Variants in KCNV1 observed in about 807,000 individuals in gnomAD.
KCNV1 encodes potassium voltage-gated channel modifier subfamily V member 1.
KCNV1 carries 2 observed loss-of-function variants against 36.4 expected under a neutral mutation model. That is an observed-to-expected ratio of 0.05 (90% CI 0.02 to 0.17). KCNV1 has a LOEUF of 0.17. KCNV1 is among the 10% of genes least tolerant of loss of function. The pLI is 1.00. For synonymous variants in KCNV1, 280 were observed against 261.1 expected, an observed-to-expected ratio of 1.07 and a Z score of -0.70; for missense variants, 321 against 643.6, an observed-to-expected ratio of 0.50 and a Z score of 5.42.
At chr8:109,970,989 T>C (rs1177760370) in intron 3 of KCNV1, among the ~76,000 whole-genome samples, 8 of 152,196 alleles carry the variant, frequency 5.3e-5, no homozygotes, top group Admixed American at 4.6e-4. Flanking sequence ...AATTATATTA[T>C]AATAAGTTCT....
rs1171035983 is a variant in KCNV1 at position 109,964,598 on chromosome 8, T to C, written c.*3490A>G. On this transcript the variant is annotated 3_prime_UTR_variant, in exon 4 of 4. Coordinates refer to ENST00000524391, the MANE Select transcript of KCNV1 (RefSeq NM_014379.4). ...AGCAAAGACATGGAATAAACCTAAA[T>C]GCCCATCAACTGTAGACTGGATAAA... The C allele has an allele frequency of 6.6e-6, 1 of 152,180 alleles. No homozygotes were observed. Among genetic ancestry groups the C allele is most frequent in the Non-Finnish European group, 1.5e-5 (1 of 68,042 alleles). 9.4% of individuals were successfully genotyped at this position (152,180 alleles called of 1,614,324 possible).
In KCNV1 at chr8:109,965,806, A is replaced by G. The variant is rs187451167; in HGVS notation, c.*2282T>C. 2.0e-5 allele frequency: 3 copies of G among 152,222 alleles called. No individual in the cohort carries two copies. The highest frequency in any genetic ancestry group is 6.5e-5 in the Admixed American group (1 of 15,280). 9.4% of individuals were successfully genotyped at this position (152,222 alleles called of 1,614,324 possible). A position where few individuals can be genotyped will look rare whatever the true frequency, so the allele number is the denominator to read the frequency against. ...AGAAGTTGGCTTGCCTGCCTAAAAA[A>G]TAAATTTCTATGCAGAGCTTGTGTA... On this transcript the variant is annotated 3_prime_UTR_variant, in exon 4 of 4. Coordinates refer to ENST00000524391, the MANE Select transcript of KCNV1 (RefSeq NM_014379.4).
In KCNV1 at chr8:109,964,537, A is replaced by T. The variant is rs1452029535; in HGVS notation, c.*3551T>A. ...ATAAATTGTTTTATTATAAAGATAC[A>T]TGCACACGTATGTTCAATGCAGCAT... On this transcript the variant is annotated 3_prime_UTR_variant, in exon 4 of 4. Coordinates refer to ENST00000524391, the MANE Select transcript of KCNV1 (RefSeq NM_014379.4). The T allele has an allele frequency of 6.6e-6, 1 of 152,230 alleles. No individual in the cohort carries two copies. Among genetic ancestry groups the T allele is most frequent in the Non-Finnish European group, 1.5e-5 (1 of 68,048 alleles). The allele number at this position is 152,230 out of a possible 1,614,324, so 9.4% of individuals were successfully genotyped here.
Position 109,972,046 on chromosome 8 carries a change from G to A in KCNV1, c.991+212C>T, listed in dbSNP as rs1405111145. 6.6e-6 allele frequency among the ~76,000 whole-genome samples: 1 copy of A among 152,202 alleles called. No individual in the cohort carries two copies. Among genetic ancestry groups the A allele is most frequent in the Admixed American group, 6.5e-5 (1 of 15,272 alleles). On this transcript the variant is annotated intron_variant, in intron 3 of 3. Coordinates refer to ENST00000524391, the MANE Select transcript of KCNV1 (RefSeq NM_014379.4). The surrounding 1 kb of genome is among the most constrained non-coding windows in gnomAD (Gnocchi z 5.2). ...ATTGTCTCTCAACATTTCTCTTATG[G>A]AGAGGAGGTATGTGAGAGCTCATTT...
chr8:109,973,447 G>A (rs1264202197), intron 2 of KCNV1, among the ~76,000 whole-genome samples: 1 of 152,170 alleles, frequency 6.6e-6, no homozygotes, highest in African/African-American at 2.4e-5. Context: ...AGAAATGGTA[G>A]TAATAGCAAG....
chr8:109,970,327 C>T (rs973201347), intron 3 of KCNV1, among the ~76,000 whole-genome samples: 1 of 152,136 alleles, frequency 6.6e-6, no homozygotes, highest in East Asian at 1.9e-4. Flanking sequence ...TGTCTGGGAA[C>T]ACTGTTTTAG....
Position 109,968,689 on chromosome 8 carries a change from C to T in KCNV1, c.992-90G>A, listed in dbSNP as rs1367387138. ...CCCTCTCCCTCCTTGCTCTGCCACC[C>T]ACAAACTGCACTGCACACTTAAATG... On this transcript the variant is annotated intron_variant, in intron 3 of 3. Transcript: ENST00000524391. The surrounding 1 kb of genome is among the most constrained non-coding windows in gnomAD (Gnocchi z 5.3). 1.6e-6 allele frequency: 2 copies of T among 1,275,918 alleles called. No individual in the cohort carries two copies. The highest frequency in any genetic ancestry group is 1.5e-5 in the African/African-American group (1 of 67,104). 79.0% of individuals were successfully genotyped at this position (1,275,918 alleles called of 1,614,324 possible). A position where few individuals can be genotyped will look rare whatever the true frequency, so the allele number is the denominator to read the frequency against.
At chr8:109,975,369 G>A (rs1820069172) in intron 1 of KCNV1, among the ~76,000 whole-genome samples, 177 bp from the exon 2 acceptor site, 1 of 152,168 alleles carries the variant, frequency 6.6e-6, no homozygotes, top group Admixed American at 6.5e-5. Context: ...TTCCCGGAGA[G>A]CAGGTGTTCT....
Position 109,967,903 on chromosome 8 carries a change from A to G in KCNV1, c.*185T>C. The G allele has an allele frequency of 1.7e-6, 1 of 595,438 alleles. No individual in the cohort carries two copies. The highest frequency in any genetic ancestry group is 2.9e-6 in the Non-Finnish European group (1 of 347,712). The allele number at this position is 595,438 out of a possible 1,614,324, so 36.9% of individuals were successfully genotyped here. On this transcript the variant is annotated 3_prime_UTR_variant, in exon 4 of 4. Coordinates refer to ENST00000524391, the MANE Select transcript of KCNV1 (RefSeq NM_014379.4). ...GCTATTTTGGACACTCAAATGTGTC[A>G]GAACACTGTGCAGTTGTTATAGGTG...
chr8:109,970,053 T>A (rs1001884527), intron 3 of KCNV1, among the ~76,000 whole-genome samples: 3 of 152,168 alleles, frequency 2.0e-5, no homozygotes, highest in African/African-American at 7.2e-5. Flanking sequence ...TTTTATTCAC[T>A]CACTAGAGAC....
At chr8:109,973,052 A>G (rs767280235) in intron 2 of KCNV1, among the ~76,000 whole-genome samples, 1 of 143,674 alleles carries the variant, frequency 7.0e-6, no homozygotes, top group Non-Finnish European at 1.5e-5. Flanking sequence ...ATCTCGGCTT[A>G]CTGTAGCCTC....
Position 109,968,201 on chromosome 8 carries a change from T to C in KCNV1, c.1390A>G (p.Ile464Val). The change falls in exon 4 of 4, where the codon ATC becomes GTC. Residue 464 changes from isoleucine (I) to valine (V), a missense_variant. Around this residue, in one of 5 missense-constraint regions of KCNV1, gnomAD observed 45 missense variants for 76.8 expected, o/e 0.59. Coordinates refer to ENST00000524391, the MANE Select transcript of KCNV1 (RefSeq NM_014379.4). The surrounding 1 kb of genome is among the most constrained non-coding windows in gnomAD (Gnocchi z 5.3). The part of the protein sequence containing the change: ...LTKNIATDSY[I>V]SVNLRDVYAR... ...TAGACATCTCTCAAGTTAACACTGA[T>C]ATATGAGTCAGTGGCTATATTCTTG... 1 of 1,614,088 alleles carries C rather than the reference T, an allele frequency of 6.2e-7. No individual in the cohort carries two copies. The highest frequency in any genetic ancestry group is 8.5e-7 in the Non-Finnish European group (1 of 1,179,940).
Position 109,972,924 on chromosome 8 carries a change from T to C in KCNV1, c.462-137A>G. 1 of 652,026 alleles carries C rather than the reference T, an allele frequency of 1.5e-6. No homozygotes were observed. The highest frequency in any genetic ancestry group is 2.0e-5 in the South Asian group (1 of 50,176). The allele number at this position is 652,026 out of a possible 1,614,324, so 40.4% of individuals were successfully genotyped here. On this transcript the variant is annotated intron_variant, in intron 2 of 3. Coordinates refer to ENST00000524391, the MANE Select transcript of KCNV1 (RefSeq NM_014379.4). This position sits in a 1 kb window ranked among gnomAD's most constrained non-coding sequence, Gnocchi z 5.2. ...AATGTCTATTCATATTTTACTTAGGTTGTGTCTTACCCACAGTATTCAGAA... is the reference window on the plus strand; with the variant it reads ...AATGTCTATTCATATTTTACTTAGGCTGTGTCTTACCCACAGTATTCAGAA...
chr8:109,969,585 G>A lies in KCNV1; in HGVS notation c.992-986C>T, dbSNP rs908372598. 2.0e-5 allele frequency among the ~76,000 whole-genome samples: 3 copies of A among 152,068 alleles called. No individual in the cohort carries two copies. The East Asian group carries it at 5.8e-4, about 29-fold the overall frequency. On this transcript the variant is annotated intron_variant, in intron 3 of 3. Coordinates refer to ENST00000524391, the MANE Select transcript of KCNV1 (RefSeq NM_014379.4). Reference sequence around the variant, plus strand: ...TTATGGGCCGGGCACGGTGGCTCACGCCTATAATCTCAGCACTTTGGGAGG... The same window carrying A: ...TTATGGGCCGGGCACGGTGGCTCACACCTATAATCTCAGCACTTTGGGAGG...
In KCNV1 at chr8:109,965,944, A is replaced by G. The variant is rs901520961; in HGVS notation, c.*2144T>C. 2.6e-5 allele frequency: 4 copies of G among 152,180 alleles called. No individual in the cohort carries two copies. Among genetic ancestry groups the G allele is most frequent in the Admixed American group, 2.0e-4 (3 of 15,280 alleles). The allele number at this position is 152,180 out of a possible 1,614,324, so 9.4% of individuals were successfully genotyped here. A position where few individuals can be genotyped will look rare whatever the true frequency, so the allele number is the denominator to read the frequency against. ...AGCCTGTGTGAATTTAGGCAAGTTT[A>G]TACCTTTTAATGTTTCAGTTTCGCT... On this transcript the variant is annotated 3_prime_UTR_variant, in exon 4 of 4. Coordinates refer to ENST00000524391, the MANE Select transcript of KCNV1 (RefSeq NM_014379.4).
At position 109,966,126 on chromosome 8, in the gene KCNV1, A is replaced by G. The variant is rs1414269669; in HGVS notation, c.*1962T>C. 1 of 152,178 alleles carries G rather than the reference A, an allele frequency of 6.6e-6. No homozygotes were observed. Among genetic ancestry groups the G allele is most frequent in the Non-Finnish European group, 1.5e-5 (1 of 68,024 alleles). The allele number at this position is 152,178 out of a possible 1,614,324, so 9.4% of individuals were successfully genotyped here. A position where few individuals can be genotyped will look rare whatever the true frequency, so the allele number is the denominator to read the frequency against. On this transcript the variant is annotated 3_prime_UTR_variant, in exon 4 of 4. Transcript: ENST00000524391. ...ATAAAATATGTATTTTGAAGAGTAT[A>G]AGAATAGTAATTATATAATAGGGAT... is the stretch of plus-strand genomic sequence containing the variant.
In KCNV1 at chr8:109,965,257, C is replaced by G. The variant is rs1819931628; in HGVS notation, c.*2831G>C. ...AAAGAAAGTAGTGTTCTCTAAATAG[C>G]TTAGAGAAAGACAATAATTCAATTA... is the stretch of plus-strand genomic sequence containing the variant. On this transcript the variant is annotated 3_prime_UTR_variant, in exon 4 of 4. Coordinates refer to ENST00000524391, the MANE Select transcript of KCNV1 (RefSeq NM_014379.4). 6.6e-6 allele frequency: 1 copy of G among 152,026 alleles called. No individual in the cohort carries two copies. Among genetic ancestry groups the G allele is most frequent in the Non-Finnish European group, 1.5e-5 (1 of 67,988 alleles). 9.4% of individuals were successfully genotyped at this position (152,026 alleles called of 1,614,324 possible).
In KCNV1 at chr8:109,966,271, ACT is replaced by A. The variant is rs1819942669; in HGVS notation, c.*1815_*1816del. 2.0e-5 allele frequency: 3 copies of A among 152,296 alleles called. No individual in the cohort carries two copies. The South Asian group carries it at 6.2e-4, about 32-fold the overall frequency. The allele number at this position is 152,296 out of a possible 1,614,324, so 9.4% of individuals were successfully genotyped here. A position where few individuals can be genotyped will look rare whatever the true frequency, so the allele number is the denominator to read the frequency against. On this transcript the variant is annotated 3_prime_UTR_variant, in exon 4 of 4. Transcript: ENST00000524391. Reference sequence around the variant, plus strand: ...GGAGTAAGTTTACCTTCTGTGTCTAACTTCTACTTTCCCTTCAGATTGTGGAA... The same window carrying A: ...GGAGTAAGTTTACCTTCTGTGTCTAATCTACTTTCCCTTCAGATTGTGGAA...
rs944389921 is a variant in KCNV1, at chr8:109,967,971, T to C, written c.*117A>G. 3.0e-6 allele frequency: 3 copies of C among 1,009,264 alleles called. No individual in the cohort carries two copies. Among genetic ancestry groups the C allele is most frequent in the African/African-American group, 3.3e-5 (2 of 61,350 alleles). 62.5% of individuals were successfully genotyped at this position (1,009,264 alleles called of 1,614,324 possible). A position where few individuals can be genotyped will look rare whatever the true frequency, so the allele number is the denominator to read the frequency against. ...AGATGAAGCAATATATCAGCAAAAA[T>C]TAATTAAGATGAGCAGTACTCTGAA... On this transcript the variant is annotated 3_prime_UTR_variant, in exon 4 of 4. Transcript: ENST00000524391.
Sources: gnomAD v4.1 joint callset for allele counts (sites outside exome capture counted in the v4.1 genomes callset) on GRCh38, gnomAD v4.1.1 for gene constraint, gnomAD v4.1.1 regional missense constraint, Gnocchi (gnomAD v3.1) non-coding constraint, MANE v1.5 for transcripts, NCBI Gene and HGNC (gene_info 2026-07-23, HGNC 2026-07-21) for gene names.